Variants in EXOC2 observed in about 807,000 individuals in gnomAD.
EXOC2 encodes the protein SEC5-like 1.
Under a neutral mutation model 131.8 loss-of-function variants are expected in EXOC2, and 70 were observed. The observed-to-expected ratio is 0.53, with a 90% CI of 0.44 to 0.65. The LOEUF (loss-of-function observed/expected upper bound fraction) is 0.65. Ranked by LOEUF, EXOC2 falls within the 30% of genes least tolerant of loss-of-function variation. The pLI, the probability that EXOC2 is intolerant of heterozygous loss-of-function variation, is 0.00. For missense variants in EXOC2, 923 were observed against 1,108.6 expected (o/e 0.83, Z 2.38); for synonymous variants, 411 against 398.4 (o/e 1.03, Z -0.38).
At chr6:556,095 A>C (rs771540046) in intron 18 of EXOC2, 82 bp from the exon 19 acceptor site, 13 of 1,297,614 alleles carry the variant, frequency 1.0e-5, no homozygotes, top group African/African-American at 1.5e-5. Context: ...TGAACAGTTA[A>C]AACGTGGAAC....
chr6:502,525 AC>A (rs1206816324), intron 23 of EXOC2, among the ~76,000 whole-genome samples: 7 of 152,194 alleles, frequency 4.6e-5, no homozygotes, highest in African/African-American at 1.7e-4. Context: ...GCAAGAACCC[AC>A]CCGCCTAAGC....
At chr6:650,698 TTAAAAG>T (rs1302803366) in intron 1 of EXOC2, among the ~76,000 whole-genome samples, 1 of 152,208 alleles carries the variant, frequency 6.6e-6, no homozygotes, top group Non-Finnish European at 1.5e-5. Context: ...TAATGAATTA[TTAAAAG>T]TAAACCATAA....
intron 1 of EXOC2, among the ~76,000 whole-genome samples, chr6:673,024 C>T (rs1034770914): frequency 6.6e-6 from 1 of 151,930 alleles, no homozygotes; most frequent in African/African-American, 2.4e-5. Context: ...CTTTGGGAGG[C>T]CAAGGCGGGC....
At position 506,301 on chromosome 6, in the gene EXOC2, C is replaced by T. The variant is rs28633352; in HGVS notation, c.2381-6601G>A. The stretch of plus-strand genomic sequence containing the variant: ...CAGGTATATCAGGATGGAGTGAACA[C>T]GTAAGTGTGCAGGGAAACCTAAGTT... On this transcript the variant is annotated intron_variant, in intron 23 of 27. Coordinates refer to ENST00000230449, the MANE Select transcript of EXOC2 (RefSeq NM_018303.6). This position sits in a 1 kb window ranked among gnomAD's most constrained non-coding sequence, Gnocchi z 4.4. 1.4e-3 allele frequency among the ~76,000 whole-genome samples: 212 copies of T among 152,290 alleles called. 1 individual carries two copies. Among genetic ancestry groups the T allele is most frequent in the African/African-American group, 4.6e-3 (193 of 41,548 alleles).
intron 3 of EXOC2, among the ~76,000 whole-genome samples, chr6:631,831 T>C (rs557306779): frequency 1.2e-4 from 18 of 152,322 alleles, no homozygotes; most frequent in African/African-American, 4.1e-4. Context: ...TGCACGTACA[T>C]GTACATATAT....
intron 22 of EXOC2, among the ~76,000 whole-genome samples, chr6:542,226 C>G (rs1193041442): frequency 6.6e-6 from 1 of 152,188 alleles, no homozygotes; most frequent in Non-Finnish European, 1.5e-5. Flanking sequence ...TTCATTTTAT[C>G]ACTCTCTTAC....
chr6:491,266 C>A, intron 25 of EXOC2, 80 bp from the exon 26 acceptor site: 2 of 1,424,578 alleles, frequency 1.4e-6, no homozygotes, highest in South Asian at 2.3e-5. Context: ...TTAAGGGTCT[C>A]CAGCCTGCTC....
chr6:632,917 G>C (rs779033882), intron 3 of EXOC2, 24 bp downstream of exon 3: 8 of 1,589,650 alleles, frequency 5.0e-6, no homozygotes, highest in Non-Finnish European at 6.0e-6. Context: ...TTCTTCTTTA[G>C]AATAAACCCA....
At chr6:577,690 C>T (rs1335528733) in intron 11 of EXOC2, among the ~76,000 whole-genome samples, 1 of 152,202 alleles carries the variant, frequency 6.6e-6, no homozygotes, top group East Asian at 1.9e-4. Flanking sequence ...TCAAAATAAA[C>T]TGAATTCAAA....
chr6:487,123 G>A (rs1035155219), intron 27 of EXOC2, among the ~76,000 whole-genome samples: 1 of 152,040 alleles, frequency 6.6e-6, no homozygotes, highest in Non-Finnish European at 1.5e-5. Context: ...TTCTATGAAC[G>A]CTGGCAAAGC....
At chr6:515,691 C>G in intron 23 of EXOC2, among the ~76,000 whole-genome samples, 1 of 129,588 alleles carries the variant, frequency 7.7e-6, no homozygotes. Flanking sequence ...CCAGAGTGAC[C>G]GTAATCATAC....
chr6:639,817 G>A (rs1180445641), intron 1 of EXOC2, among the ~76,000 whole-genome samples: 1 of 152,184 alleles, frequency 6.6e-6, no homozygotes, highest in Non-Finnish European at 1.5e-5. Context: ...GATGAATGAG[G>A]CTGGTTAACA....
chr6:651,596 T>A (rs918920451), intron 1 of EXOC2, among the ~76,000 whole-genome samples: 1 of 151,314 alleles, frequency 6.6e-6, no homozygotes, highest in Non-Finnish European at 1.5e-5. Context: ...GAGGTTAGGG[T>A]AAGCCAAGAT....
intron 4 of EXOC2, among the ~76,000 whole-genome samples, chr6:625,656 T>C (rs1019351143): frequency 9.2e-5 from 14 of 152,126 alleles, no homozygotes; most frequent in African/African-American, 3.4e-4. Context: ...AAGAATTAAT[T>C]TGCCGTCAGT....
At chr6:630,854 C>T (rs1421796549) in intron 3 of EXOC2, among the ~76,000 whole-genome samples, 3 of 152,204 alleles carry the variant, frequency 2.0e-5, no homozygotes, top group Non-Finnish European at 2.9e-5. Context: ...TCAAGGAACG[C>T]ATGGCTTGTA....
chr6:672,026 TTC>T (rs1344520066), intron 1 of EXOC2, among the ~76,000 whole-genome samples: 1 of 152,230 alleles, frequency 6.6e-6, no homozygotes, highest in Non-Finnish European at 1.5e-5. Context: ...CAAATATTTC[TTC>T]TGTTATTTTT....
intron 13 of EXOC2, among the ~76,000 whole-genome samples, chr6:569,845 T>C (rs116444207): frequency 2.0e-5 from 3 of 152,262 alleles, no homozygotes; most frequent in Non-Finnish European, 4.4e-5. Context: ...TCACCATTAA[T>C]GTTGTGCATG....
In EXOC2 at chr6:487,500, G is replaced by A. The variant is rs532620936; in HGVS notation, c.2682-736C>T. ...CGGCTCACTGCAACCTCCACCTCCC[G>A]GATTCAAGCAATTCTCCTGCCTCAG... On this transcript the variant is annotated intron_variant, in intron 27 of 27. Coordinates refer to ENST00000230449, the MANE Select transcript of EXOC2 (RefSeq NM_018303.6). 6.9e-4 allele frequency among the ~76,000 whole-genome samples: 105 copies of A among 152,142 alleles called. 4 individuals carry two copies. In the East Asian group the frequency reaches 0.011, roughly 16 times the overall value.
chr6:555,556 G>A (rs896874348), intron 19 of EXOC2, among the ~76,000 whole-genome samples: 2 of 152,154 alleles, frequency 1.3e-5, no homozygotes, highest in South Asian at 2.1e-4. Context: ...GATATATTCC[G>A]GAAAAAGACT....
Sources: allele counts gnomAD v4.1 joint callset (sites outside exome capture counted in the v4.1 genomes callset), GRCh38; gene constraint gnomAD v4.1.1; non-coding constraint Gnocchi (gnomAD v3.1); transcripts MANE v1.5; gene names NCBI Gene and HGNC (gene_info 2026-07-23, HGNC 2026-07-21).